The following MORC3 variants were observed in gnomAD, a reference collection of about 807,000 sequenced individuals.
The protein encoded by MORC3 is MORC family CW-type zinc finger 3.
A neutral mutation model predicts 109.1 loss-of-function variants in MORC3; 31 were observed. That is an observed-to-expected ratio of 0.28 (90% CI 0.21 to 0.38). MORC3 has a LOEUF of 0.38. Ranked by LOEUF, MORC3 falls within the 10% of genes least tolerant of loss-of-function variation. MORC3 has a pLI of 1.00. For synonymous variants in MORC3, 395 were observed against 380.7 expected, an observed-to-expected ratio of 1.04 and a Z score of -0.44; for missense variants, 867 against 1,135.8, an observed-to-expected ratio of 0.76 and a Z score of 3.40.
At chr21:36,339,844 A>C (rs1470266303) in intron 5 of MORC3, among the ~76,000 whole-genome samples, 1 of 152,158 alleles carries the variant, frequency 6.6e-6, no homozygotes, top group African/African-American at 2.4e-5. Context: ...TCTTGCTTTC[A>C]CTTCCCTACC....
chr21:36,334,101 A>T (rs1486982017), intron 2 of MORC3, among the ~76,000 whole-genome samples: 1 of 152,088 alleles, frequency 6.6e-6, no homozygotes, highest in African/African-American at 2.4e-5. Context: ...AAAATATTTT[A>T]AAAATCAGCT....
chr21:36,356,581 A>T, intron 9 of MORC3, 39 bp from the exon 10 acceptor site: 1 of 1,337,894 alleles, frequency 7.5e-7, no homozygotes, highest in Non-Finnish European at 1.0e-6. Flanking sequence ...TTTATGTTTG[A>T]AAAGAATTTT....
chr21:36,356,907 A>G (rs1456348603), intron 10 of MORC3, among the ~76,000 whole-genome samples, 183 bp downstream of exon 10: 1 of 152,216 alleles, frequency 6.6e-6, no homozygotes, highest in African/African-American at 2.4e-5. Context: ...TGCACACAAA[A>G]CATCCATAAA....
rs756514905 is a variant in MORC3, at chr21:36,336,983, T to G, written c.222T>G (p.Ser74=). ...TFTDNGNGMT[S]DKLHKMLSFG... is the part of the protein sequence containing the mutation. Reference sequence around the variant, plus strand: ...CCGACAATGGGAATGGTATGACTTCTGATAAATTACATAAAATGCTAAGGT... The same window carrying G: ...CCGACAATGGGAATGGTATGACTTCGGATAAATTACATAAAATGCTAAGGT... The change falls in exon 3 of 17, where the codon TCT becomes TCG. Residue 74 remains serine (S), a synonymous_variant. Coordinates refer to ENST00000400485, the MANE Select transcript of MORC3 (RefSeq NM_015358.3). The G allele has an allele frequency of 6.5e-5, 105 of 1,611,826 alleles. No homozygotes were observed. The highest frequency in any genetic ancestry group is 8.6e-5 in the Non-Finnish European group (102 of 1,179,400).
intron 15 of MORC3, among the ~76,000 whole-genome samples, chr21:36,370,901 T>A (rs773368055): frequency 6.6e-6 from 1 of 151,902 alleles, no homozygotes; most frequent in Non-Finnish European, 1.5e-5. Flanking sequence ...ACTCCTGACA[T>A]CAAGTGATCC....
At chr21:36,344,250 T>A (rs995636235) in intron 6 of MORC3, among the ~76,000 whole-genome samples, 5 of 150,586 alleles carry the variant, frequency 3.3e-5, no homozygotes, top group Admixed American at 3.3e-4. Flanking sequence ...AAAATGTACC[T>A]TTTTGTACAT....
At chr21:36,329,167 T>C (rs1221342342) in intron 1 of MORC3, among the ~76,000 whole-genome samples, 1 of 152,050 alleles carries the variant, frequency 6.6e-6, no homozygotes, top group Non-Finnish European at 1.5e-5. Context: ...TGGTGGCAGT[T>C]GCCTGTAATC....
intron 10 of MORC3, among the ~76,000 whole-genome samples, chr21:36,359,708 C>T (rs2085691518): frequency 1.3e-5 from 2 of 151,898 alleles, no homozygotes; most frequent in African/African-American, 4.8e-5. Context: ...TGTGCATTAC[C>T]ACTCCCAGTT....
chr21:36,351,989 C>CT (rs2085578100), intron 9 of MORC3, among the ~76,000 whole-genome samples: 1 of 152,088 alleles, frequency 6.6e-6, no homozygotes, highest in Non-Finnish European at 1.5e-5. Context: ...ATGTCAGTCT[C>CT]TTATCATAGA....
intron 9 of MORC3, among the ~76,000 whole-genome samples, chr21:36,350,872 A>G (rs2085562864): frequency 6.6e-6 from 1 of 152,122 alleles, no homozygotes; most frequent in Non-Finnish European, 1.5e-5. Flanking sequence ...ATAATAGTTC[A>G]TTTGTATGGA....
chr21:36,333,551 G>C (rs1240443769), intron 1 of MORC3, 95 bp from the exon 2 acceptor site: 1 of 958,656 alleles, frequency 1.0e-6, no homozygotes, highest in African/African-American at 1.6e-5. Flanking sequence ...CTTTTGTTTG[G>C]TCTCAATGTT....
chr21:36,331,223 G>C, intron 1 of MORC3, among the ~76,000 whole-genome samples: 1 of 152,144 alleles, frequency 6.6e-6, no homozygotes, highest in East Asian at 1.9e-4. Context: ...TATTAGGAGA[G>C]AATCTGTTCA....
At chr21:36,358,647 A>G (rs1291365751) in intron 10 of MORC3, among the ~76,000 whole-genome samples, 1 of 152,000 alleles carries the variant, frequency 6.6e-6, no homozygotes, top group African/African-American at 2.4e-5. Flanking sequence ...AAAAGAATAT[A>G]TACAAGTTCT....
intron 16 of MORC3, among the ~76,000 whole-genome samples, chr21:36,373,039 C>T (rs1010349699): frequency 1.3e-5 from 2 of 151,996 alleles, no homozygotes; most frequent in Non-Finnish European, 2.9e-5. Context: ...GGAAGAAGTC[C>T]TATTAAAACA....
intron 16 of MORC3, among the ~76,000 whole-genome samples, chr21:36,373,353 G>C (rs2085891658): frequency 6.6e-6 from 1 of 151,582 alleles, no homozygotes; most frequent in Non-Finnish European, 1.5e-5. Context: ...ACCAAGCGTG[G>C]TGCCTCATGC....
Position 36,362,239 on chromosome 21 carries a change from CT to C in MORC3, c.1452+13del. ...GAAATGATCCCTCGGGTAATTAAGC[CT>C]TCTTTTTTTTTTTTTTTTTTAAATA... is the stretch of plus-strand genomic sequence containing the variant. On this transcript the variant is annotated intron_variant, in intron 13 of 16. Transcript: ENST00000400485. The C allele has an allele frequency of 1.3e-6, 2 of 1,576,502 alleles. No individual in the cohort carries two copies. Among genetic ancestry groups the C allele is most frequent in the Admixed American group, 1.9e-5 (1 of 53,298 alleles).
intron 10 of MORC3, among the ~76,000 whole-genome samples, chr21:36,358,852 TG>T (rs2085678939): frequency 6.6e-6 from 1 of 152,066 alleles, no homozygotes; most frequent in African/African-American, 2.4e-5. Context: ...GCTTATTTTT[TG>T]TATTTTTAGT....
At chr21:36,354,295 C>T (rs2085615966) in intron 9 of MORC3, among the ~76,000 whole-genome samples, 1 of 149,448 alleles carries the variant, frequency 6.7e-6, no homozygotes, top group South Asian at 2.1e-4. Flanking sequence ...GACTTATTTC[C>T]ATTTTTGTTT....
Position 36,351,059 on chromosome 21 carries a change from T to C in MORC3, c.1103+1651T>C, listed in dbSNP as rs896310180. ...TATTGTTAACTACGGTTGTCCTCCT[T>C]TTTTTTTTTTTTTTTTTTTTTTTTG... is the stretch of plus-strand genomic sequence containing the variant. On this transcript the variant is annotated intron_variant, in intron 9 of 16. Coordinates refer to ENST00000400485, the MANE Select transcript of MORC3 (RefSeq NM_015358.3). 4.4e-5 allele frequency among the ~76,000 whole-genome samples: 5 copies of C among 114,928 alleles called. No individual in the cohort carries two copies. The Admixed American group carries it at 4.5e-4, about 10-fold the overall frequency. The allele number at this position is 114,928 out of a possible 152,430, so 75.4% of individuals were successfully genotyped here. A position where few individuals can be genotyped will look rare whatever the true frequency, so the allele number is the denominator to read the frequency against.
Sources: allele counts gnomAD v4.1 joint callset (sites outside exome capture counted in the v4.1 genomes callset), GRCh38; gene constraint gnomAD v4.1.1; transcripts MANE v1.5; gene names NCBI Gene and HGNC (gene_info 2026-07-23, HGNC 2026-07-21).